SMG6: variants seen among roughly 807,000 people sequenced by gnomAD.
SMG6 encodes the protein telomerase-binding protein EST1A.
Under a neutral mutation model 142.2 loss-of-function variants are expected in SMG6, and 66 were observed. That is an observed-to-expected ratio of 0.46 (90% CI 0.38 to 0.57). SMG6 has a LOEUF of 0.57. Among genes scored for constraint, SMG6 ranks in the 20% least tolerant of loss-of-function variants. SMG6 has a pLI of 0.00. For missense variants in SMG6, 1,793 were observed against 1,832.0 expected, an observed-to-expected ratio of 0.98 and a Z score of 0.39; for synonymous variants, 779 against 702.4, an observed-to-expected ratio of 1.11 and a Z score of -1.72.
chr17:2,064,869 G>T (rs1365167343), intron 18 of SMG6, among the ~76,000 whole-genome samples: 2 of 152,068 alleles, frequency 1.3e-5, no homozygotes, highest in Non-Finnish European at 2.9e-5. Context: ...CTCATCTCTA[G>T]TTGGCCCAGG....
At chr17:2,162,856 G>C (rs11869619) in intron 13 of SMG6, among the ~76,000 whole-genome samples, 50,529 of 151,776 alleles carry the variant, frequency 0.33, 8,679 homozygotes, top group African/African-American at 0.42. Context: ...TTTTGAGAAA[G>C]GGTCTCCCTC....
intron 12 of SMG6, among the ~76,000 whole-genome samples, chr17:2,173,624 C>G (rs907018636): frequency 6.6e-6 from 1 of 152,194 alleles, no homozygotes; most frequent in Non-Finnish European, 1.5e-5. Context: ...AGAAACCCCC[C>G]AGTCCTGGGC....
intron 16 of SMG6, chr17:2,065,990 T>C (rs1301320978): frequency 4.9e-6 from 2 of 404,630 alleles, no homozygotes; most frequent in Non-Finnish European, 9.2e-6. Context: ...CATTCCTTGG[T>C]TACAGGACTC....
rs372168846 is a variant in SMG6, at chr17:2,243,418, C to T, written c.2723+1240G>A. On this transcript the variant is annotated intron_variant, in intron 9 of 18. Transcript: ENST00000263073. Reference sequence around the variant, plus strand: ...CTTCTAGGCCGGGCGTGGTGGTTCACGGCTGTAATCCCAGCACTTTGGGAG... The same window carrying T: ...CTTCTAGGCCGGGCGTGGTGGTTCATGGCTGTAATCCCAGCACTTTGGGAG... Among the ~76,000 whole-genome samples the T allele has an allele frequency of 7.9e-5, 12 of 152,308 alleles. No homozygotes were observed. The South Asian group carries it at 8.3e-4, about 11-fold the overall frequency.
intron 13 of SMG6, among the ~76,000 whole-genome samples, chr17:2,155,421 AT>A (rs1172645679): frequency 1.3e-5 from 2 of 152,334 alleles, no homozygotes; most frequent in Admixed American, 6.5e-5. Context: ...CCATGTGAAA[AT>A]AAAGTTTCTC....
intron 10 of SMG6, among the ~76,000 whole-genome samples, chr17:2,203,885 C>A (rs556996968): frequency 2.6e-5 from 4 of 152,194 alleles, no homozygotes; most frequent in Non-Finnish European, 5.9e-5. Flanking sequence ...ACTCCATTGA[C>A]AGGGCAGGCA....
intron 6 of SMG6, among the ~76,000 whole-genome samples, chr17:2,286,830 A>G (rs1326346099): frequency 6.6e-6 from 1 of 152,180 alleles, no homozygotes; most frequent in African/African-American, 2.4e-5. Context: ...CACAAAATGG[A>G]AGAAAATGTT....
intron 8 of SMG6, among the ~76,000 whole-genome samples, chr17:2,247,574 G>A (rs953872848): frequency 2.6e-5 from 4 of 152,092 alleles, no homozygotes; most frequent in Admixed American, 6.6e-5. Flanking sequence ...GATCATCTGC[G>A]GTCAGGAGTT....
intron 8 of SMG6, among the ~76,000 whole-genome samples, chr17:2,248,924 TCA>T (rs1727766781): frequency 6.6e-6 from 1 of 152,074 alleles, no homozygotes; most frequent in African/African-American, 2.4e-5. Flanking sequence ...TCTTGCTCTT[TCA>T]CCCAGGCTGG....
At chr17:2,083,564 A>T (rs1431108093) in intron 14 of SMG6, among the ~76,000 whole-genome samples, 1 of 152,242 alleles carries the variant, frequency 6.6e-6, no homozygotes, top group Non-Finnish European at 1.5e-5. Context: ...GTCACCATTC[A>T]TCTGACACAG....
rs1028647774 is a variant in SMG6, at chr17:2,068,722, G to A, written c.3835+56C>T. 49 of 1,573,850 alleles carry A rather than the reference G, an allele frequency of 3.1e-5. No homozygotes were observed. The highest frequency in any genetic ancestry group is 4.0e-5 in the Non-Finnish European group (46 of 1,156,114). On this transcript the variant is annotated intron_variant, in intron 16 of 18. Coordinates refer to ENST00000263073, the MANE Select transcript of SMG6 (RefSeq NM_017575.5). This position sits in a 1 kb window ranked among gnomAD's most constrained non-coding sequence, Gnocchi z 6.7. ...CTGGCCCCCAGGCCGTGGGGCGTGTGTGGAGGGGGCTGCTGTGCACATGCA... is the reference window on the plus strand; with the variant it reads ...CTGGCCCCCAGGCCGTGGGGCGTGTATGGAGGGGGCTGCTGTGCACATGCA...
At chr17:2,274,594 A>C (rs907411720) in intron 8 of SMG6, among the ~76,000 whole-genome samples, 41 of 152,326 alleles carry the variant, frequency 2.7e-4, no homozygotes, top group South Asian at 8.3e-4. Context: ...AGAGATTAGG[A>C]GCTTCTATGG....
At chr17:2,136,636 T>A (rs2070313084) in intron 13 of SMG6, among the ~76,000 whole-genome samples, 1 of 152,048 alleles carries the variant, frequency 6.6e-6, no homozygotes, top group African/African-American at 2.4e-5. Flanking sequence ...AGGGAAAACT[T>A]TACTGAATAC....
At chr17:2,246,516 A>T (rs1173085883) in intron 8 of SMG6, among the ~76,000 whole-genome samples, 1 of 152,284 alleles carries the variant, frequency 6.6e-6, no homozygotes, top group African/African-American at 2.4e-5. Context: ...AACTCTGCAT[A>T]GAATGTTCAC....
intron 13 of SMG6, chr17:2,127,488 A>G (rs2069937455): frequency 2.8e-6 from 2 of 720,540 alleles, no homozygotes; most frequent in Non-Finnish European, 5.0e-6. Context: ...ACCCTGCTAA[A>G]TATTTAATAT....
intron 13 of SMG6, among the ~76,000 whole-genome samples, chr17:2,121,572 T>C (rs2069691222): frequency 6.7e-6 from 1 of 148,602 alleles, no homozygotes; most frequent in Non-Finnish European, 1.5e-5. Flanking sequence ...TATATGTATA[T>C]ATGTACATGT....
intron 12 of SMG6, among the ~76,000 whole-genome samples, chr17:2,173,982 T>C (rs1205965372): frequency 6.7e-6 from 1 of 148,622 alleles, no homozygotes; most frequent in African/African-American, 2.5e-5. Context: ...GAACAGATAA[T>C]ATCCTATGGA....
At chr17:2,129,009 G>C (rs1278257743) in intron 13 of SMG6, among the ~76,000 whole-genome samples, 1 of 152,192 alleles carries the variant, frequency 6.6e-6, no homozygotes, top group Non-Finnish European at 1.5e-5. Flanking sequence ...GTTTGGGAGA[G>C]TACACTGGAC....
intron 10 of SMG6, among the ~76,000 whole-genome samples, chr17:2,224,163 G>A (rs1164502442): frequency 6.6e-6 from 1 of 152,196 alleles, no homozygotes; most frequent in Non-Finnish European, 1.5e-5. Flanking sequence ...ATAGGTAAGT[G>A]TGGCATTACA....
Sources: allele counts gnomAD v4.1 joint callset (sites outside exome capture counted in the v4.1 genomes callset), GRCh38; gene constraint gnomAD v4.1.1; non-coding constraint Gnocchi (gnomAD v3.1); transcripts MANE v1.5; gene names NCBI Gene and HGNC (gene_info 2026-07-23, HGNC 2026-07-21).